Variants in ZNF214 observed in about 807,000 individuals in gnomAD.
ZNF214 encodes zinc finger protein 214, also known as BWSCR2-associated zinc finger protein 1.
A neutral mutation model predicts 53.9 loss-of-function variants in ZNF214; 43 were observed. That is an observed-to-expected ratio of 0.80 (90% CI 0.63 to 1.03). ZNF214 has a LOEUF of 1.03. Among genes scored for constraint, ZNF214 ranks in the 50% least tolerant of loss-of-function variants. ZNF214 has a pLI of 0.00. For missense variants in ZNF214, 724 were observed against 719.1 expected (o/e 1.01, Z -0.08); for synonymous variants, 217 against 229.5 (o/e 0.95, Z 0.49).
chr11:7,002,032 T>A (rs1293418485), intron 2 of ZNF214, among the ~76,000 whole-genome samples: 2 of 151,932 alleles, frequency 1.3e-5, no homozygotes, highest in Non-Finnish European at 2.9e-5. Context: ...CCTTCCACAC[T>A]CTCTCTATGC....
At chr11:7,001,675 A>G (rs1223061122) in intron 2 of ZNF214, 120 bp from the exon 3 acceptor site, 2 of 1,197,272 alleles carry the variant, frequency 1.7e-6, no homozygotes, top group Non-Finnish European at 1.1e-6. Flanking sequence ...GTAGGAAAGA[A>G]GGGTTATGAC....
At chr11:7,017,397 C>T (rs1001704257) in intron 1 of ZNF214, among the ~76,000 whole-genome samples, 21 of 152,204 alleles carry the variant, frequency 1.4e-4, no homozygotes, top group African/African-American at 5.1e-4. Context: ...AAGACATATA[C>T]TTAACAAATT....
chr11:7,016,629 C>T lies in ZNF214; in HGVS notation c.-21+3444G>A, dbSNP rs182922888. ...TGAGAAGAGGCTCCACAAAACAAGA[C>T]AGCCTCAAAAGTAATCTTTGTATAC... On this transcript the variant is annotated intron_variant, in intron 1 of 2. Transcript: ENST00000278314. Among the ~76,000 whole-genome samples the T allele has an allele frequency of 8.4e-4, 128 of 152,240 alleles. 1 individual carries two copies. The highest frequency in any genetic ancestry group is 2.9e-3 in the African/African-American group (121 of 41,560).
chr11:7,013,657 C>G (rs1851668712), intron 1 of ZNF214, among the ~76,000 whole-genome samples: 2 of 152,256 alleles, frequency 1.3e-5, no homozygotes, highest in South Asian at 4.2e-4. Flanking sequence ...GTGTTCCCAC[C>G]TCCTTTTCTC....
intron 1 of ZNF214, among the ~76,000 whole-genome samples, chr11:7,005,865 A>T (rs1851460654): frequency 6.6e-6 from 1 of 152,092 alleles, no homozygotes; most frequent in Non-Finnish European, 1.5e-5. Flanking sequence ...TTGCCATTAC[A>T]AATTTTCTGG....
In ZNF214 at chr11:7,001,129, A is replaced by C. The variant is rs2239734; in HGVS notation, c.554T>G (p.Ile185Arg). ...NLSMEKEQKL[I>R]VQHSYIPVEE... is the part of the protein sequence containing the mutation. Reference sequence around the variant, plus strand: ...CACTGGGATATAAGAATGCTGAACTATGAGCTTCTGTTCTTTTTCCATGGA... The same window carrying C: ...CACTGGGATATAAGAATGCTGAACTCTGAGCTTCTGTTCTTTTTCCATGGA... The change falls in exon 3 of 3, where the codon ATA becomes AGA. Residue 185 changes from isoleucine to arginine, a missense_variant. By Grantham distance (97) the Ile-to-Arg change is moderately conservative. Coordinates refer to ENST00000278314, the MANE Select transcript of ZNF214 (RefSeq NM_013249.4). 160,035 of 1,613,170 alleles carry C rather than the reference A, an allele frequency of 0.099. 8,477 individuals are homozygous for C. Among genetic ancestry groups the C allele is most frequent in the Admixed American group, 0.2 (11,771 of 59,872 alleles).
intron 1 of ZNF214, among the ~76,000 whole-genome samples, chr11:7,008,406 C>T (rs1037541791): frequency 1.3e-5 from 2 of 152,012 alleles, no homozygotes; most frequent in South Asian, 2.1e-4. Context: ...GCACTCCAGC[C>T]TGCAAGACAG....
At position 7,001,347 on chromosome 11, in the gene ZNF214, T is replaced by A; in HGVS notation, c.336A>T (p.Gln112His). The A allele has an allele frequency of 6.2e-7, 1 of 1,613,254 alleles. No homozygotes were observed. Among genetic ancestry groups the A allele is most frequent in the Non-Finnish European group, 8.5e-7 (1 of 1,179,412 alleles). The change falls in exon 3 of 3, where the codon CAA becomes CAT. Residue 112 changes from glutamine (Q) to histidine (H), a missense_variant. Gln to His is a conservative substitution (Grantham distance 24, BLOSUM62 0). Transcript: ENST00000278314. The part of the protein sequence containing the change: ...QCQEWLILST[Q>H]VPGYGNYELT... ...GTTCATAGTTCCCATACCCTGGTAC[T>A]TGTGTGGAGAGTATTAACCATTCCT...
chr11:7,001,063 T>C lies in ZNF214; in HGVS notation c.620A>G (p.Glu207Gly). ...LPQYVGVICQEDLLRDSMEEK... is the reference protein window; with the variant it reads ...LPQYVGVICQGDLLRDSMEEK... ...TTCCATTGAATCTCTCAGTAGGTCTTCTTGACATATCACCCCAACATACTG... is the reference window on the plus strand; with the variant it reads ...TTCCATTGAATCTCTCAGTAGGTCTCCTTGACATATCACCCCAACATACTG... The change falls in exon 3 of 3, where the codon GAA becomes GGA. Residue 207 changes from glutamate (E) to glycine (G), a missense_variant. Glu to Gly is a moderately conservative substitution (Grantham distance 98). Coordinates refer to ENST00000278314, the MANE Select transcript of ZNF214 (RefSeq NM_013249.4). The C allele has an allele frequency of 6.2e-7, 1 of 1,613,308 alleles. No homozygotes were observed. Among genetic ancestry groups the C allele is most frequent in the Non-Finnish European group, 8.5e-7 (1 of 1,179,570 alleles).
chr11:7,002,234 C>T (rs964782579), intron 2 of ZNF214, among the ~76,000 whole-genome samples: 6 of 151,952 alleles, frequency 3.9e-5, no homozygotes, highest in African/African-American at 7.2e-5. Flanking sequence ...GATACTGAGC[C>T]GACTGCCCCA....
intron 1 of ZNF214, among the ~76,000 whole-genome samples, chr11:7,010,333 A>G (rs1851575355): frequency 6.6e-6 from 1 of 152,036 alleles, no homozygotes; most frequent in African/African-American, 2.4e-5. Flanking sequence ...AAAACCAAAT[A>G]CTGCACGTTC....
chr11:7,003,918 A>C (rs2133388282), intron 1 of ZNF214, among the ~76,000 whole-genome samples: 1 of 151,938 alleles, frequency 6.6e-6, no homozygotes, highest in Admixed American at 6.6e-5. Context: ...ATAAATTTTA[A>C]ATATAATGAA....
chr11:7,005,155 A>G (rs1431161741), intron 1 of ZNF214, among the ~76,000 whole-genome samples: 3 of 151,872 alleles, frequency 2.0e-5, no homozygotes, highest in Non-Finnish European at 4.4e-5. Context: ...AAATAATTCT[A>G]TATGACAAAT....
At chr11:7,010,207 G>A (rs1207133261) in intron 1 of ZNF214, among the ~76,000 whole-genome samples, 3 of 151,890 alleles carry the variant, frequency 2.0e-5, no homozygotes, top group African/African-American at 7.3e-5. Flanking sequence ...AGAAAATGTG[G>A]TACACATATA....
intron 1 of ZNF214, among the ~76,000 whole-genome samples, chr11:7,010,997 A>G (rs1465079859): frequency 6.6e-6 from 1 of 151,978 alleles, no homozygotes. Flanking sequence ...CTAATAAAAA[A>G]TCATATAGAC....
rs753100982 is a variant in ZNF214, at chr11:7,000,127, ACT to A, written c.1554_1555del (p.Arg518SerfsTer9). 12 of 1,613,018 alleles carry A rather than the reference ACT, an allele frequency of 7.4e-6. No individual in the cohort carries two copies. Among genetic ancestry groups the A allele is most frequent in the Admixed American group, 3.3e-5 (2 of 59,834 alleles). On this transcript the variant is annotated frameshift_variant, in exon 3 of 3. Coordinates refer to ENST00000278314, the MANE Select transcript of ZNF214 (RefSeq NM_013249.4). LOFTEE classifies it high-confidence loss of function. Reference sequence around the variant, plus strand: ...TTTATAGGGCTTTTCTCCTGTATGGACTCTCTGATGAATGAGAAGATGTGAAC... The same window carrying A: ...TTTATAGGGCTTTTCTCCTGTATGGACTCTGATGAATGAGAAGATGTGAAC...
intron 1 of ZNF214, among the ~76,000 whole-genome samples, chr11:7,011,782 TAA>T (rs1471228856): frequency 7.0e-6 from 1 of 142,278 alleles, no homozygotes; most frequent in Non-Finnish European, 1.5e-5. Context: ...AACTATAAAT[TAA>T]GAGAGTTCAG....
chr11:7,014,244 G>T (rs1027061435), intron 1 of ZNF214, among the ~76,000 whole-genome samples: 2 of 152,162 alleles, frequency 1.3e-5, no homozygotes, highest in African/African-American at 4.8e-5. Flanking sequence ...CAGAAATTCT[G>T]TTACTAGAAT....
intron 1 of ZNF214, among the ~76,000 whole-genome samples, chr11:7,006,337 C>G (rs773773320): frequency 6.6e-6 from 1 of 152,024 alleles, no homozygotes; most frequent in Non-Finnish European, 1.5e-5. Flanking sequence ...ATTATATAAA[C>G]TTGATATCTC....
Sources: gnomAD v4.1 joint callset for allele counts (sites outside exome capture counted in the v4.1 genomes callset) on GRCh38, gnomAD v4.1.1 for gene constraint, MANE v1.5 for transcripts, NCBI Gene and HGNC (gene_info 2026-07-23, HGNC 2026-07-21) for gene names.